Variants in C1QTNF3 observed in about 807,000 individuals in gnomAD.
C1QTNF3 encodes complement C1q tumor necrosis factor-related protein 3.
A neutral mutation model predicts 32.6 loss-of-function variants in C1QTNF3; 26 were observed. That is an observed-to-expected ratio of 0.80 (90% CI 0.58 to 1.11). C1QTNF3 has a LOEUF of 1.11. Among genes scored for constraint, C1QTNF3 ranks in the 50% least tolerant of loss-of-function variants. The pLI is 0.00. For synonymous variants in C1QTNF3, 155 were observed against 146.0 expected (o/e 1.06, Z -0.44); for missense variants, 362 against 398.2 (o/e 0.91, Z 0.77).
the C1QTNF3 span, among the ~76,000 whole-genome samples, chr5:34,169,588 C>G: frequency 6.6e-6 from 1 of 151,954 alleles, no homozygotes; most frequent in African/African-American, 2.4e-5. Flanking sequence ...TTGATTGTAT[C>G]CTTAGCTGTG....
At chr5:34,092,203 A>C in the C1QTNF3 span, among the ~76,000 whole-genome samples, 1 of 152,094 alleles carries the variant, frequency 6.6e-6, no homozygotes, top group Non-Finnish European at 1.5e-5. Flanking sequence ...CGAGAAACAA[A>C]ACTAATCTAT....
chr5:34,078,655 C>T, the C1QTNF3 span, among the ~76,000 whole-genome samples: 15 of 151,560 alleles, frequency 9.9e-5, 1 homozygote, highest in African/African-American at 3.4e-4. This position sits in a 1 kb window ranked among gnomAD's most constrained non-coding sequence, Gnocchi z 4.0. Context: ...GGGACACAGA[C>T]GCACCATATC....
chr5:34,127,281 C>T, the C1QTNF3 span, among the ~76,000 whole-genome samples: 4 of 151,902 alleles, frequency 2.6e-5, no homozygotes, highest in Admixed American at 1.3e-4. Context: ...CAGAAGAAGA[C>T]GGGAAGATAT....
the C1QTNF3 span, among the ~76,000 whole-genome samples, chr5:34,095,852 G>A: frequency 1.3e-5 from 2 of 150,784 alleles, no homozygotes; most frequent in African/African-American, 4.9e-5. Flanking sequence ...AAGGTTAATT[G>A]TGCCTGTCCA....
the C1QTNF3 span, among the ~76,000 whole-genome samples, chr5:34,073,082 C>A: frequency 3.9e-5 from 6 of 152,188 alleles, no homozygotes; most frequent in African/African-American, 1.4e-4. Flanking sequence ...AATCCCAGCA[C>A]TTTGGGAAGC....
At chr5:34,178,755 C>G in the C1QTNF3 span, among the ~76,000 whole-genome samples, 766 of 151,556 alleles carry the variant, frequency 5.1e-3, no homozygotes, top group African/African-American at 0.018. Context: ...TGAAAACAGA[C>G]TGGCTGCGGC....
the C1QTNF3 span, among the ~76,000 whole-genome samples, chr5:34,147,776 C>G: frequency 6.6e-6 from 1 of 152,142 alleles, no homozygotes; most frequent in African/African-American, 2.4e-5. Context: ...ACAACAGATT[C>G]GTGTAACAGA....
the C1QTNF3 span, among the ~76,000 whole-genome samples, chr5:34,100,529 T>C: frequency 6.6e-6 from 1 of 151,998 alleles, no homozygotes; most frequent in East Asian, 1.9e-4. Context: ...ACCTAAAATA[T>C]ATTGTGTAAT....
chr5:34,224,309 T>C, the C1QTNF3 span, among the ~76,000 whole-genome samples: 2 of 152,302 alleles, frequency 1.3e-5, no homozygotes, highest in African/African-American at 4.8e-5. Context: ...TACTTTAAAG[T>C]TCATATGGAA....
At chr5:34,139,178 GTA>G in the C1QTNF3 span, among the ~76,000 whole-genome samples, 1 of 151,310 alleles carries the variant, frequency 6.6e-6, no homozygotes. Flanking sequence ...AAATATGTGT[GTA>G]TATATACACA....
At chr5:34,121,878 C>T in the C1QTNF3 span, among the ~76,000 whole-genome samples, 4 of 152,100 alleles carry the variant, frequency 2.6e-5, no homozygotes, top group African/African-American at 9.7e-5. Flanking sequence ...AGAGACCTCC[C>T]CCTGAGCTGT....
chr5:34,052,283 C>CA, the C1QTNF3 span, among the ~76,000 whole-genome samples: 19 of 152,212 alleles, frequency 1.2e-4, no homozygotes, highest in African/African-American at 4.1e-4. Flanking sequence ...CCTATGATCT[C>CA]AGAGCACTAA....
chr5:34,169,350 C>A, the C1QTNF3 span, among the ~76,000 whole-genome samples: 2 of 151,824 alleles, frequency 1.3e-5, no homozygotes, highest in Non-Finnish European at 2.9e-5. Flanking sequence ...ATCTGCATGT[C>A]CCTGATAATT....
At chr5:34,063,605 C>G in the C1QTNF3 span, among the ~76,000 whole-genome samples, 1 of 152,134 alleles carries the variant, frequency 6.6e-6, no homozygotes, top group African/African-American at 2.4e-5. Context: ...CATTTACAAA[C>G]TTGGGGTCCT....
At chr5:34,176,971 T>A in the C1QTNF3 span, among the ~76,000 whole-genome samples, 1 of 152,226 alleles carries the variant, frequency 6.6e-6, no homozygotes, top group Middle Eastern at 3.4e-3. Context: ...GGCAGGAGGA[T>A]CACTTGAGCT....
the C1QTNF3 span, among the ~76,000 whole-genome samples, chr5:34,217,365 A>G: frequency 1.3e-5 from 2 of 152,154 alleles, no homozygotes; most frequent in African/African-American, 4.8e-5. Context: ...TTTTACATAT[A>G]GGAAGCCTGC....
chr5:34,135,702 A>C, the C1QTNF3 span, among the ~76,000 whole-genome samples: 1 of 148,190 alleles, frequency 6.7e-6, no homozygotes, highest in African/African-American at 2.5e-5. Flanking sequence ...ACAAAAAACA[A>C]AGCTGGAGGC....
At chr5:34,122,224 T>C in the C1QTNF3 span, among the ~76,000 whole-genome samples, 2 of 152,150 alleles carry the variant, frequency 1.3e-5, no homozygotes, top group Non-Finnish European at 2.9e-5. Flanking sequence ...AACACAGCTC[T>C]GAAAGGATCT....
At chr5:34,084,616 T>C in the C1QTNF3 span, among the ~76,000 whole-genome samples, 1 of 151,078 alleles carries the variant, frequency 6.6e-6, no homozygotes, top group African/African-American at 2.5e-5. Context: ...TTGTGGAGAC[T>C]GAAACTCAGG....
Sources: gnomAD v4.1 joint callset for allele counts (sites outside exome capture counted in the v4.1 genomes callset) on GRCh38, gnomAD v4.1.1 for gene constraint, Gnocchi (gnomAD v3.1) non-coding constraint, MANE v1.5 for transcripts, NCBI Gene and HGNC (gene_info 2026-07-23, HGNC 2026-07-21) for gene names.